CFAP58: variants seen among roughly 807,000 people sequenced by gnomAD.
The protein encoded by CFAP58 is cilia and flagella associated protein 58.
A neutral mutation model predicts 119.5 loss-of-function variants in CFAP58; 88 were observed. That is an observed-to-expected ratio of 0.74 (90% CI 0.62 to 0.88). The LOEUF is 0.88. CFAP58 is among the 40% of genes least tolerant of loss of function. The pLI is 0.00. For synonymous variants in CFAP58, 365 were observed against 366.3 expected, an observed-to-expected ratio of 1.00 and a Z score of 0.04; for missense variants, 990 against 1,021.2, an observed-to-expected ratio of 0.97 and a Z score of 0.42.
chr10:104,391,395 A>C (rs934059392), intron 9 of CFAP58, among the ~76,000 whole-genome samples: 1 of 152,168 alleles, frequency 6.6e-6, no homozygotes, highest in African/African-American at 2.4e-5. Flanking sequence ...AAACACAGCG[A>C]AACTTTCTTA....
chr10:104,436,415 T>A (rs2012935142), intron 15 of CFAP58, among the ~76,000 whole-genome samples: 1 of 151,438 alleles, frequency 6.6e-6, no homozygotes, highest in African/African-American at 2.4e-5. Flanking sequence ...AAGACAAGAG[T>A]TTTAAGTGGC....
intron 15 of CFAP58, among the ~76,000 whole-genome samples, 170 bp downstream of exon 15, chr10:104,406,963 T>A (rs2012373092): frequency 6.6e-6 from 1 of 152,244 alleles, no homozygotes; most frequent in Admixed American, 6.5e-5. Context: ...ATTGGTCTTT[T>A]ACGTTGCGAT....
At chr10:104,351,981 T>C (rs913562698), upstream of CFAP58, 5 of 152,008 alleles carry the variant, frequency 3.3e-5, no homozygotes, top group Admixed American at 6.5e-5. Flanking sequence ...ACACAGACAC[T>C]GAAAAGGCAG....
intron 13 of CFAP58, among the ~76,000 whole-genome samples, chr10:104,403,161 G>T (rs1001682920): frequency 2.6e-5 from 4 of 152,144 alleles, no homozygotes; most frequent in African/African-American, 4.8e-5. Flanking sequence ...TGAACCATAG[G>T]GGTAGTTTCC....
intron 9 of CFAP58, among the ~76,000 whole-genome samples, chr10:104,381,940 G>A (rs1254709793): frequency 1.3e-5 from 2 of 152,170 alleles, no homozygotes; most frequent in East Asian, 1.9e-4. Context: ...CTGAGGACTC[G>A]TTGTCAATTT....
chr10:104,375,511 G>A lies in CFAP58; in HGVS notation c.1091-1300G>A, dbSNP rs1370477855. Among the ~76,000 whole-genome samples the A allele has an allele frequency of 2.6e-5, 4 of 152,270 alleles. No homozygotes were observed. In the East Asian group the frequency reaches 7.7e-4, roughly 29 times the overall value. On this transcript the variant is annotated intron_variant, in intron 7 of 17. Coordinates refer to ENST00000369704, the MANE Select transcript of CFAP58 (RefSeq NM_001008723.2). ...AGACAGGCAGATCACCTGAGATCAG[G>A]AGTTCGAGACCAGCCTGGCCAACAT...
the CFAP58 span, among the ~76,000 whole-genome samples, chr10:104,341,858 TA>T: frequency 1.3e-5 from 2 of 152,082 alleles, no homozygotes; most frequent in Non-Finnish European, 2.9e-5. Context: ...AAACAAAGGG[TA>T]AAGTTCAGCC....
intron 17 of CFAP58, among the ~76,000 whole-genome samples, chr10:104,450,428 G>A (rs2013175869): frequency 6.6e-6 from 1 of 152,136 alleles, no homozygotes; most frequent in African/African-American, 2.4e-5. Flanking sequence ...ATTAATATCT[G>A]CTCATTGGTG....
chr10:104,451,820 C>T (rs143085128), intron 17 of CFAP58, among the ~76,000 whole-genome samples: 59 of 152,250 alleles, frequency 3.9e-4, no homozygotes, highest in Non-Finnish European at 7.1e-4. Flanking sequence ...ACTCTGTCTC[C>T]GGGGTTGAAG....
intron 5 of CFAP58, among the ~76,000 whole-genome samples, chr10:104,366,266 T>C (rs1490988782): frequency 6.6e-6 from 1 of 152,122 alleles, no homozygotes; most frequent in African/African-American, 2.4e-5. Context: ...ACTACACATA[T>C]AGACAAGTGT....
chr10:104,371,690 T>C (rs1475222894), intron 7 of CFAP58, among the ~76,000 whole-genome samples: 2 of 152,204 alleles, frequency 1.3e-5, no homozygotes, highest in Non-Finnish European at 2.9e-5. Context: ...ACAGAGCACT[T>C]GTGGGCACTG....
intron 4 of CFAP58, among the ~76,000 whole-genome samples, chr10:104,365,304 C>T (rs541458910): frequency 6.6e-6 from 1 of 152,120 alleles, no homozygotes; most frequent in Non-Finnish European, 1.5e-5. Flanking sequence ...TCAAATAGGT[C>T]ATACACAATG....
At chr10:104,396,341 C>G (rs1478094121) in intron 11 of CFAP58, among the ~76,000 whole-genome samples, 1 of 137,156 alleles carries the variant, frequency 7.3e-6, no homozygotes, top group South Asian at 2.3e-4. Flanking sequence ...GACTCTGTAG[C>G]CTGCCATGGA....
chr10:104,431,569 C>G (rs2012847531), intron 15 of CFAP58, among the ~76,000 whole-genome samples: 1 of 152,152 alleles, frequency 6.6e-6, no homozygotes, highest in Non-Finnish European at 1.5e-5. Context: ...CAACCAGTCT[C>G]TATTCACCCA....
Position 104,403,760 on chromosome 10 carries a change from T to C in CFAP58, c.2071T>C (p.Leu691=). The part of the protein sequence containing the change: ...QEFFHMQREL[L]KERTRCRALE... ...GTTTTTTCACATGCAAAGAGAATTG[T>C]TGAAGGAGAGGACACGCTGCCGAGC... is the stretch of plus-strand genomic sequence containing the variant. Residue 691 remains leucine (L), a synonymous_variant, in exon 14 of 18, where the codon TTG becomes CTG. Transcript: ENST00000369704. 6.2e-7 allele frequency: 1 copy of C among 1,612,116 alleles called. No homozygotes were observed. The highest frequency in any genetic ancestry group is 8.5e-7 in the Non-Finnish European group (1 of 1,179,350).
chr10:104,426,744 G>A (rs947419868), intron 15 of CFAP58, among the ~76,000 whole-genome samples: 85 of 152,178 alleles, frequency 5.6e-4, no homozygotes, highest in African/African-American at 2.0e-3. Flanking sequence ...GGTTATTGCC[G>A]GCATGTTGAG....
intron 9 of CFAP58, among the ~76,000 whole-genome samples, chr10:104,389,642 G>A (rs751991339): frequency 1.3e-5 from 2 of 152,168 alleles, no homozygotes; most frequent in Non-Finnish European, 2.9e-5. Flanking sequence ...ATTCTATGGT[G>A]AAGTCACACC....
intron 15 of CFAP58, among the ~76,000 whole-genome samples, chr10:104,426,592 A>T (rs2012753776): frequency 6.6e-6 from 1 of 152,180 alleles, no homozygotes. Context: ...AAAAGGCTGC[A>T]AATTTTTTTT....
intron 15 of CFAP58, among the ~76,000 whole-genome samples, chr10:104,432,295 T>G (rs940838366): frequency 2.6e-5 from 4 of 152,210 alleles, no homozygotes; most frequent in Non-Finnish European, 4.4e-5. Context: ...TTGAAAAAGA[T>G]ATCAGTGAAT....
Sources: gnomAD v4.1 joint callset for allele counts (sites outside exome capture counted in the v4.1 genomes callset) on GRCh38, gnomAD v4.1.1 for gene constraint, MANE v1.5 for transcripts, NCBI Gene and HGNC (gene_info 2026-07-23, HGNC 2026-07-21) for gene names.